Variants in RASGRF1 observed in about 807,000 individuals in gnomAD.
RASGRF1 encodes Ras protein specific guanine nucleotide releasing factor 1.
RASGRF1 carries 40 observed loss-of-function variants against 138.7 expected under a neutral mutation model. That is an observed-to-expected ratio of 0.29 (90% CI 0.22 to 0.38). RASGRF1 has a LOEUF of 0.38. Among genes scored for constraint, RASGRF1 ranks in the 10% least tolerant of loss-of-function variants. RASGRF1 has a pLI of 1.00. For missense variants in RASGRF1, 1,108 were observed against 1,650.4 expected, an observed-to-expected ratio of 0.67 and a Z score of 5.69; for synonymous variants, 614 against 663.2, an observed-to-expected ratio of 0.93 and a Z score of 1.14.
intron 24 of RASGRF1, chr15:78,978,456 C>G: frequency 1.1e-6 from 1 of 908,214 alleles, no homozygotes; most frequent in South Asian, 5.1e-5. Flanking sequence ...AGCTCCTGAC[C>G]TCAAGTGATC....
At position 79,006,539 on chromosome 15, in the gene RASGRF1, G is replaced by C. The variant is rs1437077116; in HGVS notation, c.1827-105C>G. 1.5e-6 allele frequency: 2 copies of C among 1,375,654 alleles called. No homozygotes were observed. The highest frequency in any genetic ancestry group is 2.0e-6 in the Non-Finnish European group (2 of 1,013,564). 85.2% of individuals were successfully genotyped at this position (1,375,654 alleles called of 1,614,324 possible). A position where few individuals can be genotyped will look rare whatever the true frequency, so the allele number is the denominator to read the frequency against. ...CTTCCCCCACACACTGACAACACAG[G>C]ATGGTCTTATTAAGAGAACAAGCTT... On this transcript the variant is annotated intron_variant, in intron 13 of 26. Transcript: ENST00000558480. The surrounding 1 kb of genome is among the most constrained non-coding windows in gnomAD (Gnocchi z 4.0).
At chr15:79,079,047 G>C (rs1246757890) in intron 1 of RASGRF1, among the ~76,000 whole-genome samples, 1 of 152,228 alleles carries the variant, frequency 6.6e-6, no homozygotes, top group East Asian at 1.9e-4. Context: ...AATCAGCCTC[G>C]AACGAGGCTG....
At chr15:79,031,226 AC>A in intron 8 of RASGRF1, among the ~76,000 whole-genome samples, 173 bp downstream of exon 8, 1 of 151,740 alleles carries the variant, frequency 6.6e-6, no homozygotes, top group Middle Eastern at 3.4e-3. Context: ...TTGAGTTGTA[AC>A]CCCCTCAGGA....
intron 22 of RASGRF1, 161 bp from the exon 23 acceptor site, chr15:78,985,365 G>C (rs2056130302): frequency 4.2e-6 from 3 of 705,996 alleles, no homozygotes; most frequent in Non-Finnish European, 2.3e-6. Context: ...CTGGCTAAAG[G>C]TTCAATATAC....
At chr15:79,077,653 CT>C (rs1646642196) in intron 1 of RASGRF1, among the ~76,000 whole-genome samples, 3 of 152,186 alleles carry the variant, frequency 2.0e-5, no homozygotes, top group Admixed American at 2.0e-4. Flanking sequence ...TGCACATTAT[CT>C]TCAGTTCCTG....
intron 2 of RASGRF1, among the ~76,000 whole-genome samples, chr15:79,061,806 T>C (rs1372303646): frequency 6.6e-6 from 1 of 152,248 alleles, no homozygotes; most frequent in Non-Finnish European, 1.5e-5. Context: ...CATTTGCCTG[T>C]TGATGGACAC....
chr15:78,990,408 TGGAA>T (rs778547219), intron 21 of RASGRF1, 135 bp from the exon 22 acceptor site: 8 of 638,836 alleles, frequency 1.3e-5, no homozygotes, highest in Non-Finnish European at 2.2e-5. Context: ...TGCAGAGCCC[TGGAA>T]GGAAGGAACC....
At position 78,962,154 on chromosome 15, in the gene RASGRF1, A is replaced by T; in HGVS notation, c.3764T>A (p.Leu1255His). ...YESSLRIEPK[L>H]PT is the part of the protein sequence containing the mutation. ...GGGCTGGGCTCAGCTTCAGGTGGGG[A>T]GTTTTGGTTCTATTCGGAGAGAAGA... Residue 1255 changes from leucine to histidine, a missense_variant, in exon 27 of 27, where the codon CTC becomes CAC. Coordinates refer to ENST00000558480, the MANE Select transcript of RASGRF1 (RefSeq NM_001145648.3). 6.4e-7 allele frequency: 1 copy of T among 1,569,356 alleles called. No homozygotes were observed. Among genetic ancestry groups the T allele is most frequent in the Non-Finnish European group, 8.7e-7 (1 of 1,147,150 alleles).
At chr15:79,051,014 A>T (rs1239964559) in intron 3 of RASGRF1, among the ~76,000 whole-genome samples, 1 of 152,158 alleles carries the variant, frequency 6.6e-6, no homozygotes, top group African/African-American at 2.4e-5. Flanking sequence ...TAAGTGAATT[A>T]AAAAAAATCA....
At chr15:79,064,329 G>A (rs1190533918) in intron 2 of RASGRF1, 91 bp downstream of exon 2, 2 of 1,223,952 alleles carry the variant, frequency 1.6e-6, no homozygotes, top group Non-Finnish European at 2.3e-6. Flanking sequence ...TCCACTTCAT[G>A]GGGCTTGGCT....
intron 3 of RASGRF1, among the ~76,000 whole-genome samples, chr15:79,055,765 G>A (rs532953824): frequency 6.6e-6 from 1 of 152,214 alleles, no homozygotes; most frequent in Non-Finnish European, 1.5e-5. Flanking sequence ...CCTGACTTGG[G>A]TTCACAGCGC....
At chr15:78,976,533 G>A (rs917312101) in intron 24 of RASGRF1, among the ~76,000 whole-genome samples, 2 of 150,990 alleles carry the variant, frequency 1.3e-5, no homozygotes, top group Non-Finnish European at 3.0e-5. Context: ...GGGCCATGAA[G>A]GAGGGGACAA....
intron 13 of RASGRF1, among the ~76,000 whole-genome samples, chr15:79,014,462 T>G (rs920502043): frequency 6.6e-6 from 1 of 152,250 alleles, no homozygotes; most frequent in African/African-American, 2.4e-5. Context: ...GACCGGAGAC[T>G]ATTATTCTAA....
chr15:79,035,671 G>T (rs734447), intron 5 of RASGRF1, among the ~76,000 whole-genome samples: 2 of 152,078 alleles, frequency 1.3e-5, no homozygotes, highest in Non-Finnish European at 2.9e-5. Context: ...TAGCACAGAG[G>T]GGGGCTGAAA....
intron 16 of RASGRF1, among the ~76,000 whole-genome samples, chr15:79,001,075 C>T (rs2056512308): frequency 6.6e-6 from 1 of 152,208 alleles, no homozygotes; most frequent in South Asian, 2.1e-4. Context: ...GAGACCAAGA[C>T]TGCTTCTCAA....
chr15:79,034,729 T>A (rs2057194082), intron 6 of RASGRF1, among the ~76,000 whole-genome samples: 1 of 151,966 alleles, frequency 6.6e-6, no homozygotes, highest in Non-Finnish European at 1.5e-5. Context: ...TTCAGTATGT[T>A]TGCAATTATG....
At chr15:79,035,593 G>A (rs1315991910) in intron 5 of RASGRF1, among the ~76,000 whole-genome samples, 2 of 152,226 alleles carry the variant, frequency 1.3e-5, no homozygotes, top group African/African-American at 2.4e-5. Flanking sequence ...AGGTATCTTG[G>A]AGGAAACCAG....
At chr15:79,066,413 G>A (rs2057681705) in intron 1 of RASGRF1, among the ~76,000 whole-genome samples, 1 of 152,238 alleles carries the variant, frequency 6.6e-6, no homozygotes, top group Non-Finnish European at 1.5e-5. Context: ...CAGGGAGCCT[G>A]TAGGTAGGTG....
At position 79,049,535 on chromosome 15, in the gene RASGRF1, G is replaced by T. The variant is rs1032250389; in HGVS notation, c.585C>A (p.Ala195=). The T allele has an allele frequency of 9.9e-6, 16 of 1,613,944 alleles. No homozygotes were observed. In the African/African-American group the frequency reaches 1.7e-4, roughly 18 times the overall value. The change falls in exon 4 of 27, where the codon GCC becomes GCA. Residue 195 remains alanine (A), a synonymous_variant. Coordinates refer to ENST00000558480, the MANE Select transcript of RASGRF1 (RefSeq NM_001145648.3). ...NERIQSTQTV[A]PNDEDSDIKK... is the part of the protein sequence containing the mutation. ...TGATGTCGCTGTCTTCATCGTTGGG[G>T]GCGACAGTCTGGGTGGACTGGATGC...
Sources: gnomAD v4.1 joint callset for allele counts (sites outside exome capture counted in the v4.1 genomes callset) on GRCh38, gnomAD v4.1.1 for gene constraint, Gnocchi (gnomAD v3.1) non-coding constraint, MANE v1.5 for transcripts, NCBI Gene and HGNC (gene_info 2026-07-23, HGNC 2026-07-21) for gene names.